MDGA2: variants seen among roughly 807,000 people sequenced by gnomAD.
MDGA2 encodes the protein MAM domain-containing glycosylphosphatidylinositol anchor protein 2.
Under a neutral mutation model 117.8 loss-of-function variants are expected in MDGA2, and 40 were observed. That is an observed-to-expected ratio of 0.34 (90% confidence interval 0.26 to 0.44). MDGA2 has a LOEUF of 0.44. MDGA2 is among the 20% of genes least tolerant of loss of function. The pLI, the probability that MDGA2 is intolerant of heterozygous loss-of-function variation, is 1.00. For synonymous variants in MDGA2, 452 were observed against 439.0 expected, an observed-to-expected ratio of 1.03 and a Z score of -0.37; for missense variants, 1,123 against 1,250.6, an observed-to-expected ratio of 0.90 and a Z score of 1.54.
intron 14 of MDGA2, among the ~76,000 whole-genome samples, chr14:46,865,460 A>T (rs1881713468): frequency 6.6e-6 from 1 of 152,178 alleles, no homozygotes; most frequent in African/African-American, 2.4e-5. Flanking sequence ...AACTGGAAAC[A>T]TTCCCTTTGA....
intron 1 of MDGA2, among the ~76,000 whole-genome samples, chr14:47,313,035 A>G (rs1172313300): frequency 6.6e-6 from 1 of 151,718 alleles, no homozygotes; most frequent in Non-Finnish European, 1.5e-5. Context: ...GTAACTAAGC[A>G]TTATTTGTAG....
rs376697988 is a variant in MDGA2, at chr14:47,471,372, C to T, written c.281-169822G>A. ...TTGTCTTGACATTTAAAAAACAGCACTTTATTTCTACTCTAGATTAAACTA... is the reference window on the plus strand; with the variant it reads ...TTGTCTTGACATTTAAAAAACAGCATTTTATTTCTACTCTAGATTAAACTA... On this transcript the variant is annotated intron_variant, in intron 1 of 16. Coordinates refer to ENST00000399232, the MANE Select transcript of MDGA2 (RefSeq NM_001113498.3). 2.6e-5 allele frequency among the ~76,000 whole-genome samples: 4 copies of T among 151,428 alleles called. No individual in the cohort carries two copies. In the South Asian group the frequency reaches 8.4e-4, roughly 32 times the overall value.
At chr14:46,881,816 G>T (rs913929921) in intron 11 of MDGA2, among the ~76,000 whole-genome samples, 2 of 151,888 alleles carry the variant, frequency 1.3e-5, no homozygotes, top group African/African-American at 2.4e-5. Context: ...TATCACATAG[G>T]TTCACAATTA....
rs1225781554 is a variant in MDGA2 at position 47,155,885 on chromosome 14, CTTCTTTTTTTTTTTTTTTTTTTTTTTTT to C, written c.596-11639_596-11612del. ...ACAATTCTTTTCTTTTCTTCTTCTT[CTTCTTTTTTTTTTTTTTTTTTTTTTTTT>C]TTTTTTTTTTTTTTTTTTGAGACAG... On this transcript the variant is annotated intron_variant, in intron 3 of 16. Coordinates refer to ENST00000399232, the MANE Select transcript of MDGA2 (RefSeq NM_001113498.3). Among the ~76,000 whole-genome samples the C allele has an allele frequency of 4.9e-4, 39 of 80,412 alleles. 2 individuals carry two copies. The highest frequency in any genetic ancestry group is 1.1e-3 in the African/African-American group (25 of 22,974). 52.8% of individuals were successfully genotyped at this position (80,412 alleles called of 152,430 possible). A position where few individuals can be genotyped will look rare whatever the true frequency, so the allele number is the denominator to read the frequency against.
chr14:47,415,488 C>A (rs1892456152), intron 1 of MDGA2, among the ~76,000 whole-genome samples: 1 of 151,918 alleles, frequency 6.6e-6, no homozygotes, highest in Non-Finnish European at 1.5e-5. Context: ...AGTTTTATTT[C>A]AGTATATAGT....
At chr14:47,341,790 A>C (rs765372378) in intron 1 of MDGA2, among the ~76,000 whole-genome samples, 1 of 152,158 alleles carries the variant, frequency 6.6e-6, no homozygotes, top group Non-Finnish European at 1.5e-5. Context: ...AGAAAACAGC[A>C]GCATGGTATT....
intron 1 of MDGA2, among the ~76,000 whole-genome samples, chr14:47,436,253 C>T (rs1465898339): frequency 6.6e-6 from 1 of 152,028 alleles, no homozygotes; most frequent in Non-Finnish European, 1.5e-5. Context: ...TTTTAAATGG[C>T]TAAAGTTTAT....
At chr14:47,646,358 TACTC>T (rs963391934) in intron 1 of MDGA2, among the ~76,000 whole-genome samples, 6 of 152,010 alleles carry the variant, frequency 3.9e-5, no homozygotes, top group African/African-American at 1.2e-4. Flanking sequence ...ACATATATAA[TACTC>T]ATATATAATA....
chr14:47,118,652 GTA>G (rs1881457409), intron 5 of MDGA2, among the ~76,000 whole-genome samples: 1 of 152,134 alleles, frequency 6.6e-6, no homozygotes, highest in Admixed American at 6.5e-5. Context: ...AGTTCTTAAT[GTA>G]TATGTGTATT....
intron 3 of MDGA2, among the ~76,000 whole-genome samples, chr14:47,182,431 G>A: frequency 6.6e-6 from 1 of 152,142 alleles, no homozygotes; most frequent in Admixed American, 6.5e-5. Flanking sequence ...AATAGGACTG[G>A]GATCCTCATA....
intron 6 of MDGA2, among the ~76,000 whole-genome samples, chr14:47,063,450 T>TA (rs1889965599): frequency 6.6e-6 from 1 of 152,002 alleles, no homozygotes; most frequent in Non-Finnish European, 1.5e-5. Flanking sequence ...TGACTTTACA[T>TA]TGTATTTGGG....
chr14:47,633,227 G>A (rs1897268520), intron 1 of MDGA2, among the ~76,000 whole-genome samples: 1 of 151,732 alleles, frequency 6.6e-6, no homozygotes, highest in Non-Finnish European at 1.5e-5. Context: ...CCACTATATT[G>A]AAGCTCTTAA....
intron 1 of MDGA2, among the ~76,000 whole-genome samples, chr14:47,338,776 T>A (rs1890534255): frequency 6.6e-6 from 1 of 152,112 alleles, no homozygotes; most frequent in African/African-American, 2.4e-5. Flanking sequence ...GTTTTCGAGC[T>A]ATGAGATATT....
Position 47,464,118 on chromosome 14 carries a change from C to T in MDGA2, c.281-162568G>A, listed in dbSNP as rs8018946. 6.4e-3 allele frequency among the ~76,000 whole-genome samples: 941 copies of T among 147,752 alleles called. 10 individuals are homozygous for T. The highest frequency in any genetic ancestry group is 0.023 in the African/African-American group (900 of 38,484). On this transcript the variant is annotated intron_variant, in intron 1 of 16. Coordinates refer to ENST00000399232, the MANE Select transcript of MDGA2 (RefSeq NM_001113498.3). ...TACTATGTACACACACACACACACA[C>T]ACACACACACACACACACACACACA...
In MDGA2 at chr14:47,665,949, C is replaced by T. The variant is rs533414107; in HGVS notation, c.280+8568G>A. Among the ~76,000 whole-genome samples, 467 of 151,782 alleles carry T rather than the reference C, an allele frequency of 3.1e-3. 1 individual carries two copies. The highest frequency in any genetic ancestry group is 0.011 in the African/African-American group (439 of 41,314). On this transcript the variant is annotated intron_variant, in intron 1 of 16. Coordinates refer to ENST00000399232, the MANE Select transcript of MDGA2 (RefSeq NM_001113498.3). ...GCCCAAGGGCTGAGGAGTGCGGGCG[C>T]ACCACACAGGACTGGCAGGCAGCTC...
intron 8 of MDGA2, among the ~76,000 whole-genome samples, chr14:47,004,665 G>A (rs909084948): frequency 6.6e-6 from 1 of 151,618 alleles, no homozygotes; most frequent in African/African-American, 2.4e-5. Flanking sequence ...AGATTCAATT[G>A]AGGAGTATTA....
intron 1 of MDGA2, among the ~76,000 whole-genome samples, chr14:47,467,590 A>C (rs1415108559): frequency 6.6e-6 from 1 of 152,114 alleles, no homozygotes; most frequent in East Asian, 1.9e-4. Context: ...TAGTGGGTAC[A>C]TTGAAAGTCT....
intron 2 of MDGA2, among the ~76,000 whole-genome samples, chr14:47,283,387 T>C (rs72680281): frequency 0.091 from 13,838 of 152,242 alleles, 775 homozygotes; most frequent in Non-Finnish European, 0.11. Flanking sequence ...TTTTGCTATT[T>C]AATGCAATAA....
chr14:47,132,213 T>C (rs1227542279), intron 4 of MDGA2, among the ~76,000 whole-genome samples: 2 of 151,826 alleles, frequency 1.3e-5, no homozygotes, highest in African/African-American at 4.8e-5. Context: ...ATGGAGTGCA[T>C]TCAACAAACA....
Sources: allele counts gnomAD v4.1 joint callset (sites outside exome capture counted in the v4.1 genomes callset), GRCh38; gene constraint gnomAD v4.1.1; transcripts MANE v1.5; gene names NCBI Gene and HGNC (gene_info 2026-07-23, HGNC 2026-07-21).